LDLRAD4: variants seen among roughly 807,000 people sequenced by gnomAD.
LDLRAD4 encodes the protein low density lipoprotein receptor class A domain containing 4, also known as low-density lipoprotein receptor class A domain-containing protein 4.
In LDLRAD4, 5 loss-of-function variants were observed where a neutral mutation model predicts 17.0. The observed-to-expected ratio is 0.29, with a 90% CI of 0.15 to 0.62. The LOEUF (loss-of-function observed/expected upper bound fraction) is 0.62. Among genes scored for constraint, LDLRAD4 ranks in the 20% least tolerant of loss-of-function variants. The pLI, the probability that LDLRAD4 is intolerant of heterozygous loss-of-function variation, is 0.84. For missense variants in LDLRAD4, 340 were observed against 424.7 expected (o/e 0.80, Z 1.75); for synonymous variants, 168 against 171.8 (o/e 0.98, Z 0.17).
At chr18:13,342,861 C>T (rs547178305) in intron 1 of LDLRAD4, among the ~76,000 whole-genome samples, 2 of 151,844 alleles carry the variant, frequency 1.3e-5, no homozygotes, top group Admixed American at 1.3e-4. Flanking sequence ...TAATTACGGA[C>T]AGGGAAGGAT....
At chr18:13,439,108 G>GGGCC in intron 3 of LDLRAD4, among the ~76,000 whole-genome samples, 1 of 152,160 alleles carries the variant, frequency 6.6e-6, no homozygotes, top group African/African-American at 2.4e-5. Context: ...AGCGTTGGCC[G>GGGCC]GGCCGACCCT....
chr18:13,512,043 C>T lies in LDLRAD4; in HGVS notation c.181+73659C>T, dbSNP rs553644615. ...TAGAAATTAAGTTTCTAACAAGGAG[C>T]GCTTGCGTTGCTCCGTTTATCTAAA... On this transcript the variant is annotated intron_variant, in intron 3 of 5. Transcript: ENST00000359446. Among the ~76,000 whole-genome samples the T allele has an allele frequency of 1.5e-4, 23 of 152,298 alleles. No individual in the cohort carries two copies. The South Asian group carries it at 1.7e-3, about 11-fold the overall frequency.
intron 3 of LDLRAD4, chr18:13,614,192 G>C (rs1430450644): frequency 6.6e-6 from 1 of 152,170 alleles, no homozygotes; most frequent in African/African-American, 2.4e-5. Context: ...TTTGTGCCAG[G>C]CACACACTAC....
At chr18:13,519,340 G>A (rs1399757424) in intron 3 of LDLRAD4, among the ~76,000 whole-genome samples, 1 of 152,148 alleles carries the variant, frequency 6.6e-6, no homozygotes, top group Non-Finnish European at 1.5e-5. Context: ...GGCTCTCCCT[G>A]GTGTTCCGGA....
chr18:13,405,775 C>T (rs952745643), intron 2 of LDLRAD4, among the ~76,000 whole-genome samples: 10 of 152,058 alleles, frequency 6.6e-5, no homozygotes, highest in Non-Finnish European at 1.3e-4. Context: ...GAATTGGAAG[C>T]GCTTCACTGT....
intron 1 of LDLRAD4, among the ~76,000 whole-genome samples, chr18:13,377,113 G>T (rs917523162): frequency 6.6e-6 from 1 of 152,170 alleles, no homozygotes; most frequent in African/African-American, 2.4e-5. Flanking sequence ...TTAGTGTGCC[G>T]GGCCCCGCAG....
chr18:13,542,677 G>A (rs1015744572), intron 3 of LDLRAD4, among the ~76,000 whole-genome samples: 1 of 152,128 alleles, frequency 6.6e-6, no homozygotes, highest in South Asian at 2.1e-4. Context: ...GCGGGCGGAG[G>A]TGGGTGCTCC....
At chr18:13,275,642 G>A (rs187564091), upstream of LDLRAD4, among the ~76,000 whole-genome samples, 58 of 152,200 alleles carry the variant, frequency 3.8e-4, no homozygotes, top group Middle Eastern at 3.4e-3. Context: ...TAACTCAAAG[G>A]ATAAATGCTT....
intron 3 of LDLRAD4, among the ~76,000 whole-genome samples, chr18:13,466,045 G>C (rs898995601): frequency 6.6e-6 from 1 of 152,180 alleles, no homozygotes; most frequent in Non-Finnish European, 1.5e-5. Context: ...ATAATGCCTG[G>C]GTGCAAAATA....
rs757179862 is a variant in LDLRAD4 at position 13,621,209 on chromosome 18, T to C, written c.274T>C (p.Ser92Pro). The change falls in exon 4 of 6, where the codon TCC (serine) becomes CCC (proline). Residue 92 changes from serine to proline, a missense_variant. By Grantham distance (74) the Ser-to-Pro change is moderately conservative (BLOSUM62 -1). Coordinates refer to ENST00000359446, the Ensembl canonical transcript of LDLRAD4. The surrounding 1 kb of genome is among the most constrained non-coding windows in gnomAD (Gnocchi z 5.5). Reference sequence around the variant, plus strand: ...CTGCCTGCTGAACCACTACAAAGTCTCCACGCGGTCCTTCATCAACCGCCC... The same window carrying C: ...CTGCCTGCTGAACCACTACAAAGTCCCCACGCGGTCCTTCATCAACCGCCC... 1 of 1,614,090 alleles carries C rather than the reference T, an allele frequency of 6.2e-7. No homozygotes were observed. The highest frequency in any genetic ancestry group is 8.5e-7 in the Non-Finnish European group (1 of 1,180,040).
At chr18:13,420,399 C>T (rs1430174859) in intron 2 of LDLRAD4, 1 of 152,206 alleles carries the variant, frequency 6.6e-6, no homozygotes, top group Non-Finnish European at 1.5e-5. Flanking sequence ...ATTACATAAT[C>T]ATAGAAAATA....
intron 3 of LDLRAD4, chr18:13,561,534 G>T (rs1233531923): frequency 3.3e-5 from 5 of 152,352 alleles, no homozygotes; most frequent in South Asian, 2.1e-4. Flanking sequence ...AAACACTGCA[G>T]CTGAGACCTT....
At chr18:13,235,251 CA>C (rs35593314) in intron 1 of LDLRAD4, 73,287 of 145,058 alleles carry the variant, frequency 0.51, 18,512 homozygotes, top group African/African-American at 0.65. Flanking sequence ...AACTCCATCT[CA>C]AAAAAAAAAA....
At position 13,565,811 on chromosome 18, in the gene LDLRAD4, C is replaced by G. The variant is rs533382080; in HGVS notation, c.182-55306C>G. On this transcript the variant is annotated intron_variant, in intron 3 of 5. Transcript: ENST00000359446. The stretch of plus-strand genomic sequence containing the variant: ...TTTTGTAGCCTCTAGGACAGAGCTC[C>G]TCCATGCTTGCGGGGTCGCACATTT... 2.0e-5 allele frequency among the ~76,000 whole-genome samples: 3 copies of G among 152,346 alleles called. No individual in the cohort carries two copies. In the East Asian group the frequency reaches 5.8e-4, roughly 29 times the overall value.
chr18:13,430,803 G>A (rs1375399111), intron 2 of LDLRAD4, among the ~76,000 whole-genome samples: 2 of 152,138 alleles, frequency 1.3e-5, no homozygotes, highest in East Asian at 1.9e-4. Flanking sequence ...AGGCCTGCAG[G>A]CTCCCTAGGC....
chr18:13,357,947 T>G (rs2083441984), intron 1 of LDLRAD4, among the ~76,000 whole-genome samples: 1 of 152,232 alleles, frequency 6.6e-6, no homozygotes, highest in Non-Finnish European at 1.5e-5. Flanking sequence ...TTATTATTAT[T>G]ACTGAAGTTC....
intron 1 of LDLRAD4, among the ~76,000 whole-genome samples, chr18:13,222,458 T>G (rs1347757889): frequency 6.6e-6 from 1 of 152,240 alleles, no homozygotes; most frequent in African/African-American, 2.4e-5. Context: ...TATGTGACAG[T>G]GCAAGTTGGT....
chr18:13,629,402 G>A (rs2041466185), intron 4 of LDLRAD4, among the ~76,000 whole-genome samples: 1 of 152,206 alleles, frequency 6.6e-6, no homozygotes, highest in Non-Finnish European at 1.5e-5. Flanking sequence ...AGAAAGGTCA[G>A]GAAGGACCCA....
chr18:13,588,373 A>C (rs1028335466), intron 3 of LDLRAD4, among the ~76,000 whole-genome samples: 35 of 152,242 alleles, frequency 2.3e-4, no homozygotes, highest in African/African-American at 7.7e-4. Flanking sequence ...TTTATACATA[A>C]CATAACAAAT....
Sources: gnomAD v4.1 joint callset for allele counts (sites outside exome capture counted in the v4.1 genomes callset) on GRCh38, gnomAD v4.1.1 for gene constraint, Gnocchi (gnomAD v3.1) non-coding constraint, MANE v1.5 for transcripts, NCBI Gene and HGNC (gene_info 2026-07-23, HGNC 2026-07-21) for gene names.